The following RALGAPA2 variants were observed in gnomAD, a reference collection of about 807,000 sequenced individuals.
RALGAPA2 encodes Ral GTPase activating protein catalytic subunit alpha 2.
A neutral mutation model predicts 230.4 loss-of-function variants in RALGAPA2; 139 were observed. That is an observed-to-expected ratio of 0.60 (90% CI 0.53 to 0.69). RALGAPA2 has a LOEUF of 0.69. Among genes scored for constraint, RALGAPA2 ranks in the 30% least tolerant of loss-of-function variants. The pLI, the probability that RALGAPA2 is intolerant of heterozygous loss-of-function variation, is 0.00. For missense variants in RALGAPA2, 2,163 were observed against 2,276.0 expected, an observed-to-expected ratio of 0.95 and a Z score of 1.01; for synonymous variants, 847 against 837.8, an observed-to-expected ratio of 1.01 and a Z score of -0.19.
intron 36 of RALGAPA2, among the ~76,000 whole-genome samples, chr20:20,489,734 G>A (rs1171572996): frequency 9.2e-5 from 14 of 152,306 alleles, no homozygotes; most frequent in South Asian, 4.1e-4. Flanking sequence ...TCCTTGCTGG[G>A]CTGAGTGGCT....
intron 35 of RALGAPA2, 21 bp downstream of exon 35, chr20:20,503,330 G>A: frequency 6.6e-7 from 1 of 1,515,606 alleles, no homozygotes; most frequent in South Asian, 1.2e-5. Flanking sequence ...GCTAAGAATG[G>A]TGCCCGAGGA....
At chr20:20,490,249 T>G (rs1381739992) in intron 36 of RALGAPA2, among the ~76,000 whole-genome samples, 1 of 152,210 alleles carries the variant, frequency 6.6e-6, no homozygotes, top group Non-Finnish European at 1.5e-5. Context: ...TTCCTCTAAT[T>G]AGAAGTGGCA....
chr20:20,648,083 A>C (rs2067275659), intron 4 of RALGAPA2, among the ~76,000 whole-genome samples: 1 of 152,230 alleles, frequency 6.6e-6, no homozygotes, highest in South Asian at 2.1e-4. Context: ...GAAACAATCC[A>C]AATGACCATC....
In RALGAPA2 at chr20:20,524,473, G is replaced by C. The variant is rs1246498172; in HGVS notation, c.3833C>G (p.Pro1278Arg). ...MALPVSVLLHPVSTAVLEEQH... is the reference protein window; with the variant it reads ...MALPVSVLLHRVSTAVLEEQH... ...CTCCTCTAGGACTGCTGTGGACACG[G>C]GGTGGAGAAGGACACTCACGGGCAA... The change falls in exon 30 of 40, where the codon CCC becomes CGC. Residue 1278 changes from proline to arginine, a missense_variant. Transcript: ENST00000202677. The C allele has an allele frequency of 7.4e-6, 12 of 1,613,762 alleles. No individual in the cohort carries two copies. Among genetic ancestry groups the C allele is most frequent in the Non-Finnish European group, 1.0e-5 (12 of 1,179,828 alleles).
At chr20:20,508,587 C>T (rs1277425896) in intron 33 of RALGAPA2, among the ~76,000 whole-genome samples, 1 of 152,156 alleles carries the variant, frequency 6.6e-6, no homozygotes. Flanking sequence ...TGCAAGATAG[C>T]CTCAACTTTT....
intron 37 of RALGAPA2, among the ~76,000 whole-genome samples, chr20:20,466,628 C>T (rs941038281): frequency 2.6e-5 from 4 of 152,182 alleles, no homozygotes; most frequent in Non-Finnish European, 4.4e-5. Context: ...TTGGATGCTC[C>T]CTGAGGCTGC....
At chr20:20,503,583 G>GA (rs1157826623) in intron 34 of RALGAPA2, 77 bp from the exon 35 acceptor site, 57 of 1,149,084 alleles carry the variant, frequency 5.0e-5, no homozygotes, top group South Asian at 6.5e-5. Context: ...TGTGAATTCA[G>GA]AAAAAAAATA....
At chr20:20,673,642 A>T (rs1033451372) in intron 3 of RALGAPA2, among the ~76,000 whole-genome samples, 1 of 152,186 alleles carries the variant, frequency 6.6e-6, no homozygotes, top group Admixed American at 6.5e-5. Context: ...AAATTGAATG[A>T]GTGGTTAAAA....
At chr20:20,487,058 A>G (rs1179608659) in intron 36 of RALGAPA2, among the ~76,000 whole-genome samples, 1 of 152,158 alleles carries the variant, frequency 6.6e-6, no homozygotes, top group Non-Finnish European at 1.5e-5. Flanking sequence ...AATCTCTGCC[A>G]TATTTGAGTC....
In RALGAPA2 at chr20:20,512,952, C is replaced by T; in HGVS notation, c.4417G>A (p.Asp1473Asn). ...AAAGGTCCATATAAAACCTTACCAT[C>T]CCAAGAGTACTTCCCTGAGATATCC... The part of the protein sequence containing the change: ...VRDISGKYSW[D>N]GKVLYGPLEG... Residue 1473 changes from aspartate (D) to asparagine (N), a missense_variant, in exon 32 of 40, where the codon GAT becomes AAT. By Grantham distance (23) the Asp-to-Asn change is conservative (BLOSUM62 1). Coordinates refer to ENST00000202677, the MANE Select transcript of RALGAPA2 (RefSeq NM_020343.4). 1 of 1,613,736 alleles carries T rather than the reference C, an allele frequency of 6.2e-7. No homozygotes were observed. Among genetic ancestry groups the T allele is most frequent in the Non-Finnish European group, 8.5e-7 (1 of 1,179,670 alleles).
chr20:20,571,227 T>A (rs1485696496), intron 23 of RALGAPA2, among the ~76,000 whole-genome samples: 1 of 152,114 alleles, frequency 6.6e-6, no homozygotes, highest in African/African-American at 2.4e-5. Flanking sequence ...AGAATAAAAT[T>A]AAAATTTGGT....
intron 37 of RALGAPA2, chr20:20,472,505 A>G (rs1489653757): frequency 1.2e-5 from 2 of 170,602 alleles, no homozygotes; most frequent in Non-Finnish European, 2.5e-5. Flanking sequence ...ACTGCCACAA[A>G]TAAGAGGGAT....
intron 26 of RALGAPA2, among the ~76,000 whole-genome samples, chr20:20,534,457 AG>A (rs2063448841): frequency 6.6e-6 from 1 of 151,970 alleles, no homozygotes; most frequent in Non-Finnish European, 1.5e-5. Context: ...AAAAAAAAAA[AG>A]ATAATAGAGA....
chr20:20,535,942 G>GA lies in RALGAPA2; in HGVS notation c.3415-140_3415-139insT, dbSNP rs567759166. Reference sequence around the variant, plus strand: ...AGAGCTCATCTATGAGTGAGAGCCTGGGGGGAAGAAGAACACTGGGCTCGG... The same window carrying GA: ...AGAGCTCATCTATGAGTGAGAGCCTGAGGGGGAAGAAGAACACTGGGCTCGG... On this transcript the variant is annotated intron_variant, in intron 25 of 39. Coordinates refer to ENST00000202677, the MANE Select transcript of RALGAPA2 (RefSeq NM_020343.4). The GA allele has an allele frequency of 3.9e-3, 5,220 of 1,338,410 alleles. 14 individuals carry two copies. Among genetic ancestry groups the GA allele is most frequent in the Non-Finnish European group, 4.6e-3 (4,752 of 1,032,698 alleles). 82.9% of individuals were successfully genotyped at this position (1,338,410 alleles called of 1,614,324 possible).
At chr20:20,671,122 C>T (rs978315782) in intron 3 of RALGAPA2, among the ~76,000 whole-genome samples, 1 of 152,152 alleles carries the variant, frequency 6.6e-6, no homozygotes, top group African/African-American at 2.4e-5. Flanking sequence ...TGCCTGAGAC[C>T]ATGACCTGGA....
At chr20:20,495,342 A>C in intron 35 of RALGAPA2, 67 bp from the exon 36 acceptor site, 4 of 1,312,606 alleles carry the variant, frequency 3.0e-6, no homozygotes, top group Non-Finnish European at 4.0e-6. Flanking sequence ...GTCATGGCTT[A>C]CAAATTGAAT....
chr20:20,683,395 C>T (rs771296898), intron 1 of RALGAPA2, among the ~76,000 whole-genome samples: 2 of 152,150 alleles, frequency 1.3e-5, no homozygotes, highest in South Asian at 2.1e-4. Context: ...ACTTAAAATC[C>T]GAACTCTTTA....
intron 1 of RALGAPA2, among the ~76,000 whole-genome samples, chr20:20,686,424 T>C (rs1485026352): frequency 6.6e-6 from 1 of 151,640 alleles, no homozygotes; most frequent in African/African-American, 2.4e-5. Context: ...CACATGTCTG[T>C]AATCCCAGCT....
chr20:20,516,281 T>C (rs371954953), intron 31 of RALGAPA2, among the ~76,000 whole-genome samples: 1 of 152,160 alleles, frequency 6.6e-6, no homozygotes, highest in East Asian at 1.9e-4. Flanking sequence ...GGACATAAAC[T>C]TGTGGGAGCT....
Sources: gnomAD v4.1 joint callset for allele counts (sites outside exome capture counted in the v4.1 genomes callset) on GRCh38, gnomAD v4.1.1 for gene constraint, MANE v1.5 for transcripts, NCBI Gene and HGNC (gene_info 2026-07-23, HGNC 2026-07-21) for gene names.